Variants in UGT2B4 observed in about 807,000 individuals in gnomAD.
UGT2B4 encodes the protein UDP glucuronosyltransferase family 2 member B4.
Under a neutral mutation model 49.8 loss-of-function variants are expected in UGT2B4, and 49 were observed. The ratio of observed to expected loss-of-function variants is 0.98; its 90% CI spans 0.78 to 1.25. UGT2B4 has a LOEUF of 1.25. Among genes scored for constraint, UGT2B4 ranks in the 50% most tolerant of loss-of-function variants. UGT2B4 has a pLI of 0.00. For missense variants in UGT2B4, 729 were observed against 627.7 expected (o/e 1.16, Z -1.73); for synonymous variants, 246 against 217.7 (o/e 1.13, Z -1.14).
rs550925974 is a variant in UGT2B4, at chr4:69,506,433, A to G, written c.-105-10467T>C. Among the ~76,000 whole-genome samples, 6 of 152,308 alleles carry G rather than the reference A, an allele frequency of 3.9e-5. No homozygotes were observed. The South Asian group carries it at 1.0e-3, about 26-fold the overall frequency. ...TGACAGAAATAAAAACAACCATCAG[A>G]GAATATTATGAACACCTCTATGCAC... On this transcript the variant is annotated intron_variant, in intron 1 of 1. Transcript: ENST00000510114.
At chr4:69,509,759 T>C (rs1309681200) in intron 1 of UGT2B4, among the ~76,000 whole-genome samples, 2 of 152,206 alleles carry the variant, frequency 1.3e-5, no homozygotes, top group African/African-American at 2.4e-5. Context: ...TTTAACCCCT[T>C]ATCAGATACA....
At chr4:69,520,572 C>T (rs569965070) in intron 1 of UGT2B4, among the ~76,000 whole-genome samples, 9 of 152,334 alleles carry the variant, frequency 5.9e-5, no homozygotes, top group Admixed American at 1.3e-4. Flanking sequence ...TCCTTACTCC[C>T]GGAACCCAGT....
At chr4:69,489,416 A>T (rs755753668) in intron 3 of UGT2B4, 23 bp downstream of exon 3, 56 of 1,605,746 alleles carry the variant, frequency 3.5e-5, no homozygotes, top group Non-Finnish European at 4.6e-5. Flanking sequence ...AGTTTTTTAC[A>T]CCATTAAAAC....
At position 69,493,844 on chromosome 4, in the gene UGT2B4, G is replaced by T. The variant is rs1229032365; in HGVS notation, c.722-3C>A. 1 of 1,578,214 alleles carries T rather than the reference G, an allele frequency of 6.3e-7. No homozygotes were observed. The highest frequency in any genetic ancestry group is 8.6e-7 in the Non-Finnish European group (1 of 1,168,196). ...CTCAGATAACGTAGTGGGTCTTCCT[G>T]ATGGGGGAAAAAAAAAGAAAAGATA... On this transcript the variant is annotated splice_polypyrimidine_tract_variant and splice_region_variant and intron_variant, in intron 1 of 5. Transcript: ENST00000305107.
At chr4:69,513,805 A>G (rs932817357) in intron 1 of UGT2B4, among the ~76,000 whole-genome samples, 1 of 152,074 alleles carries the variant, frequency 6.6e-6, no homozygotes, top group African/African-American at 2.4e-5. Flanking sequence ...TATTAACTAT[A>G]TTACTAGGTA....
At chr4:69,481,777 C>T (rs757095495) in intron 5 of UGT2B4, among the ~76,000 whole-genome samples, 2 of 152,170 alleles carry the variant, frequency 1.3e-5, no homozygotes, top group African/African-American at 4.8e-5. Flanking sequence ...TGAGAATTAT[C>T]ATCTTTAAGT....
chr4:69,484,862 T>C (rs1727719957), intron 5 of UGT2B4, among the ~76,000 whole-genome samples: 1 of 152,190 alleles, frequency 6.6e-6, no homozygotes, highest in Admixed American at 6.5e-5. Flanking sequence ...CTTTGAGACA[T>C]TTTAGATATT....
intron 1 of UGT2B4, among the ~76,000 whole-genome samples, chr4:69,512,513 T>C (rs1728631282): frequency 6.6e-6 from 1 of 152,186 alleles, no homozygotes; most frequent in African/African-American, 2.4e-5. Context: ...CCATAGTTGA[T>C]ATGATTTCAA....
In UGT2B4 at chr4:69,511,217, T is replaced by C. The variant is rs570241057; in HGVS notation, c.-106+14470A>G. ...GTTGACCAGGCTGGTCTCAAACTCC[T>C]GAACTCAGGTGATCCACCCGTCTAG... On this transcript the variant is annotated intron_variant, in intron 1 of 1. Coordinates refer to the UGT2B4 transcript ENST00000510114. Among the ~76,000 whole-genome samples the C allele has an allele frequency of 1.2e-4, 19 of 152,248 alleles. No individual in the cohort carries two copies. The South Asian group carries it at 3.7e-3, about 30-fold the overall frequency.
intron 1 of UGT2B4, among the ~76,000 whole-genome samples, chr4:69,521,567 T>C (rs973493474): frequency 6.6e-6 from 1 of 152,170 alleles, no homozygotes; most frequent in Non-Finnish European, 1.5e-5. Context: ...TGGCTGGACC[T>C]TGCACTCATT....
At chr4:69,502,109 C>CTT in intron 1 of UGT2B4, among the ~76,000 whole-genome samples, 1 of 113,088 alleles carries the variant, frequency 8.8e-6, no homozygotes, top group South Asian at 3.2e-4. Flanking sequence ...TTCTTTCTTT[C>CTT]TTTCTTTCTT....
At chr4:69,491,417 C>G (rs542833907) in intron 2 of UGT2B4, among the ~76,000 whole-genome samples, 1 of 151,842 alleles carries the variant, frequency 6.6e-6, no homozygotes, top group Admixed American at 6.6e-5. Flanking sequence ...TATTTTTTCT[C>G]TGTATGATTT....
At chr4:69,506,550 T>C (rs1160275024) in intron 1 of UGT2B4, among the ~76,000 whole-genome samples, 21 of 152,212 alleles carry the variant, frequency 1.4e-4, no homozygotes, top group Non-Finnish European at 2.9e-5. Flanking sequence ...AACAGACCAA[T>C]AACAAGTTCT....
chr4:69,524,045 G>A lies in UGT2B4; in HGVS notation c.-106+1642C>T, dbSNP rs114058906. 8.5e-3 allele frequency among the ~76,000 whole-genome samples: 1,292 copies of A among 152,180 alleles called. 21 individuals carry two copies. The highest frequency in any genetic ancestry group is 0.029 in the African/African-American group (1,220 of 41,538). On this transcript the variant is annotated intron_variant, in intron 1 of 1. Transcript: ENST00000510114. The stretch of plus-strand genomic sequence containing the variant: ...AGAGCTAGAGTCTTTCTCTGGATTA[G>A]GCTTTGGTTTAAGGAATGTTTGTGG...
chr4:69,501,879 T>C (rs1728327252), intron 1 of UGT2B4, among the ~76,000 whole-genome samples: 1 of 152,132 alleles, frequency 6.6e-6, no homozygotes, highest in South Asian at 2.1e-4. Context: ...GCTCTGTGTG[T>C]CACACTTAAG....
At chr4:69,491,662 A>T (rs2109810770) in intron 2 of UGT2B4, among the ~76,000 whole-genome samples, 1 of 152,272 alleles carries the variant, frequency 6.6e-6, no homozygotes, top group East Asian at 1.9e-4. Context: ...AGCTAGTATT[A>T]GTAATTATCA....
At chr4:69,489,740 G>A (rs890764083) in intron 2 of UGT2B4, among the ~76,000 whole-genome samples, 170 bp from the exon 3 acceptor site, 1 of 152,034 alleles carries the variant, frequency 6.6e-6, no homozygotes, top group Non-Finnish European at 1.5e-5. Context: ...TGTATAATAT[G>A]AGATAGGTTG....
chr4:69,524,110 C>A (rs6854972), intron 1 of UGT2B4, among the ~76,000 whole-genome samples: 30,404 of 111,218 alleles, frequency 0.27, 3,158 homozygotes, highest in Non-Finnish European at 0.31. Context: ...TTCACGTCAG[C>A]GATAATGCAG....
intron 1 of UGT2B4, among the ~76,000 whole-genome samples, chr4:69,504,631 G>T (rs1728424275): frequency 6.6e-6 from 1 of 151,886 alleles, no homozygotes; most frequent in African/African-American, 2.4e-5. Context: ...ACTAACTGGA[G>T]TGCCTGAAAG....
Sources: gnomAD v4.1 joint callset for allele counts (sites outside exome capture counted in the v4.1 genomes callset) on GRCh38, gnomAD v4.1.1 for gene constraint, MANE v1.5 for transcripts, NCBI Gene and HGNC (gene_info 2026-07-23, HGNC 2026-07-21) for gene names.